CACNB2: variants seen among roughly 807,000 people sequenced by gnomAD.
CACNB2 encodes calcium voltage-gated channel auxiliary subunit beta 2, also known as voltage-dependent L-type calcium channel subunit beta-2.
In CACNB2, 42 loss-of-function variants were observed where a neutral mutation model predicts 73.3. The ratio of observed to expected loss-of-function variants is 0.57; its 90% confidence interval spans 0.45 to 0.74. The LOEUF is 0.74. Ranked by LOEUF, CACNB2 falls within the 30% of genes least tolerant of loss-of-function variation. CACNB2 has a pLI of 0.00. For missense variants in CACNB2, 940 were observed against 853.0 expected (o/e 1.10, Z -1.27); for synonymous variants, 348 against 310.3 (o/e 1.12, Z -1.28).
intron 2 of CACNB2, among the ~76,000 whole-genome samples, chr10:18,383,684 A>T (rs2043108463): frequency 6.6e-6 from 1 of 151,728 alleles, no homozygotes; most frequent in African/African-American, 2.4e-5. Flanking sequence ...AGCAGAGAAG[A>T]GGAATACAGA....
At chr10:18,368,942 A>G (rs2132275980) in intron 2 of CACNB2, among the ~76,000 whole-genome samples, 1 of 152,348 alleles carries the variant, frequency 6.6e-6, no homozygotes, top group Non-Finnish European at 1.5e-5. Context: ...ACAAGAACTT[A>G]AAGGATCTGG....
At chr10:18,244,453 C>T (rs1041040760) in intron 2 of CACNB2, among the ~76,000 whole-genome samples, 6 of 152,194 alleles carry the variant, frequency 3.9e-5, no homozygotes, top group Non-Finnish European at 8.8e-5. Flanking sequence ...AAAACAGTCT[C>T]TCATAAAAAA....
chr10:18,465,250 A>G (rs1424460028), intron 3 of CACNB2, among the ~76,000 whole-genome samples: 1 of 152,174 alleles, frequency 6.6e-6, no homozygotes, highest in Admixed American at 6.5e-5. Flanking sequence ...GAATTGCTTG[A>G]ACCTGGGAGT....
intron 2 of CACNB2, among the ~76,000 whole-genome samples, chr10:18,320,709 T>C (rs2040369045): frequency 6.6e-6 from 1 of 152,182 alleles, no homozygotes; most frequent in East Asian, 1.9e-4. Flanking sequence ...AATGAATAAA[T>C]GCATGGAAAG....
chr10:18,226,008 T>A (rs182496052), intron 2 of CACNB2, among the ~76,000 whole-genome samples: 189 of 150,124 alleles, frequency 1.3e-3, no homozygotes, highest in African/African-American at 3.0e-3. Flanking sequence ...TGCTTTTTTT[T>A]AATTTTCTTT....
intron 2 of CACNB2, among the ~76,000 whole-genome samples, chr10:18,336,901 C>T (rs1038801797): frequency 4.6e-5 from 7 of 152,118 alleles, no homozygotes; most frequent in Non-Finnish European, 1.0e-4. Flanking sequence ...GTAATACCAA[C>T]CCATTGTAGA....
chr10:18,476,447 T>A (rs777584466), intron 3 of CACNB2, among the ~76,000 whole-genome samples: 7 of 152,210 alleles, frequency 4.6e-5, no homozygotes, highest in Non-Finnish European at 8.8e-5. Flanking sequence ...TTGTGGGGTT[T>A]ACGTACCCTC....
At chr10:18,459,141 T>G (rs1252223249) in intron 3 of CACNB2, among the ~76,000 whole-genome samples, 3 of 152,156 alleles carry the variant, frequency 2.0e-5, no homozygotes, top group Non-Finnish European at 4.4e-5. Flanking sequence ...ATACTATGAA[T>G]TTTTAGTTAA....
chr10:18,154,020 A>G (rs2031827714), intron 2 of CACNB2, among the ~76,000 whole-genome samples: 2 of 151,902 alleles, frequency 1.3e-5, no homozygotes, highest in South Asian at 4.2e-4. Context: ...TATAATTGGT[A>G]TTACAAAGAT....
At chr10:18,208,672 C>CT (rs2035195983) in intron 2 of CACNB2, among the ~76,000 whole-genome samples, 1 of 151,866 alleles carries the variant, frequency 6.6e-6, no homozygotes, top group African/African-American at 2.4e-5. Context: ...TTCCTCATTC[C>CT]TTATTGCTTG....
chr10:18,518,589 G>A (rs990160474), intron 8 of CACNB2, among the ~76,000 whole-genome samples, 173 bp downstream of exon 8: 3 of 152,196 alleles, frequency 2.0e-5, no homozygotes, highest in Admixed American at 6.5e-5. Context: ...ACACTGCTTC[G>A]TCCTTTTTCT....
intron 3 of CACNB2, among the ~76,000 whole-genome samples, chr10:18,469,785 A>G (rs1277366893): frequency 6.6e-6 from 1 of 152,192 alleles, no homozygotes; most frequent in Admixed American, 6.5e-5. Flanking sequence ...CCATGGAAGG[A>G]ATATCTAGTT....
chr10:18,233,197 A>G (rs1332670420), intron 2 of CACNB2, among the ~76,000 whole-genome samples: 2 of 152,210 alleles, frequency 1.3e-5, no homozygotes, highest in East Asian at 3.8e-4. Flanking sequence ...AAGTCCAGGT[A>G]TCATATTAGC....
At chr10:18,327,683 C>T (rs1564439823) in intron 2 of CACNB2, among the ~76,000 whole-genome samples, 1 of 152,206 alleles carries the variant, frequency 6.6e-6, no homozygotes, top group Non-Finnish European at 1.5e-5. Context: ...CTCGGCCTCC[C>T]AAAGTGCTGG....
chr10:18,141,881 G>A (rs1316823326), intron 1 of CACNB2, among the ~76,000 whole-genome samples: 3 of 152,210 alleles, frequency 2.0e-5, no homozygotes, highest in Non-Finnish European at 4.4e-5. Context: ...GCTTAACTGT[G>A]TTGGCTTGTT....
intron 2 of CACNB2, among the ~76,000 whole-genome samples, chr10:18,298,242 G>A (rs1173923886): frequency 3.3e-5 from 5 of 152,028 alleles, no homozygotes; most frequent in South Asian, 2.1e-4. Context: ...GGTGGTGGGC[G>A]CCTGTAACTC....
chr10:18,283,332 A>T (rs1408752325), intron 2 of CACNB2, among the ~76,000 whole-genome samples: 5 of 152,194 alleles, frequency 3.3e-5, no homozygotes, highest in African/African-American at 1.2e-4. Context: ...ATATACCCAA[A>T]GGATTATACG....
chr10:18,273,289 G>C (rs2038134993), intron 2 of CACNB2, among the ~76,000 whole-genome samples: 1 of 152,022 alleles, frequency 6.6e-6, no homozygotes, highest in Non-Finnish European at 1.5e-5. Context: ...TACTTGATCG[G>C]CTCTCTCACC....
chr10:18,280,621 C>T (rs2038500877), intron 2 of CACNB2, among the ~76,000 whole-genome samples: 2 of 152,166 alleles, frequency 1.3e-5, no homozygotes, highest in South Asian at 4.1e-4. Flanking sequence ...TTGAACAGTA[C>T]ACAGAATGTA....
Sources: gnomAD v4.1 joint callset for allele counts (sites outside exome capture counted in the v4.1 genomes callset) on GRCh38, gnomAD v4.1.1 for gene constraint, MANE v1.5 for transcripts, NCBI Gene and HGNC (gene_info 2026-07-23, HGNC 2026-07-21) for gene names.